The following PTGER3 variants were observed in gnomAD, a reference collection of about 807,000 sequenced individuals.
PTGER3 encodes prostaglandin E2 receptor EP3 subtype.
A neutral mutation model predicts 34.7 loss-of-function variants in PTGER3; 22 were observed. The ratio of observed to expected loss-of-function variants is 0.63; its 90% CI spans 0.45 to 0.91. PTGER3 has a LOEUF of 0.91. Among genes scored for constraint, PTGER3 ranks in the 40% least tolerant of loss-of-function variants. The pLI is 0.00. For synonymous variants in PTGER3, 241 were observed against 230.1 expected, an observed-to-expected ratio of 1.05 and a Z score of -0.43; for missense variants, 468 against 519.4, an observed-to-expected ratio of 0.90 and a Z score of 0.96.
chr1:70,952,836 TAG>T, exon 4 of PTGER3: 4 of 1,462,998 alleles, frequency 2.7e-6, no homozygotes, highest in Non-Finnish European at 3.6e-6. Flanking sequence ...AAGCAGGGAT[TAG>T]AGTCACAAAC....
chr1:70,893,510 A>G (rs7521005), intron 4 of PTGER3, among the ~76,000 whole-genome samples: 28,280 of 152,174 alleles, frequency 0.19, 3,419 homozygotes, highest in Admixed American at 0.34. Flanking sequence ...CTACATCACC[A>G]GGACTTTCCC....
At chr1:70,982,890 C>T (rs1654522949) in intron 2 of PTGER3, among the ~76,000 whole-genome samples, 1 of 152,080 alleles carries the variant, frequency 6.6e-6, no homozygotes, top group African/African-American at 2.4e-5. Flanking sequence ...AATCATTGCA[C>T]AGTGTAAACA....
At chr1:70,984,465 G>A (rs1299280569) in intron 2 of PTGER3, among the ~76,000 whole-genome samples, 1 of 151,688 alleles carries the variant, frequency 6.6e-6, no homozygotes, top group East Asian at 1.9e-4. Flanking sequence ...AACAATAAGG[G>A]TAACTCTGCA....
intron 4 of PTGER3, among the ~76,000 whole-genome samples, chr1:70,891,305 G>T (rs898364926): frequency 1.3e-5 from 2 of 152,136 alleles, no homozygotes; most frequent in African/African-American, 4.8e-5. Flanking sequence ...ATTTCTATTT[G>T]ATTTTGGAAT....
intron 4 of PTGER3, among the ~76,000 whole-genome samples, chr1:70,878,232 C>G (rs1646314502): frequency 6.6e-6 from 1 of 152,098 alleles, no homozygotes. Context: ...TCATCCATTT[C>G]TTCTAGATTT....
intron 1 of PTGER3, among the ~76,000 whole-genome samples, chr1:71,045,189 G>A (rs1488247815): frequency 1.3e-5 from 2 of 152,120 alleles, no homozygotes; most frequent in African/African-American, 2.4e-5. Context: ...TGGAGCCAAG[G>A]TTTGTGCTCC....
intron 1 of PTGER3, among the ~76,000 whole-genome samples, chr1:71,023,893 G>A (rs11209735): frequency 0.025 from 3,761 of 151,334 alleles, 226 homozygotes; most frequent in African/African-American, 0.087. Flanking sequence ...GGTCTCCATC[G>A]TCTCTTGTCT....
chr1:70,947,562 G>A (rs1650333923), downstream of PTGER3: 1 of 152,064 alleles, frequency 6.6e-6, no homozygotes, highest in South Asian at 2.1e-4. Context: ...TACAGTAGGT[G>A]TGCAACAACT....
chr1:71,023,227 C>T (rs1322661536), intron 1 of PTGER3, among the ~76,000 whole-genome samples: 3 of 151,890 alleles, frequency 2.0e-5, no homozygotes, highest in Non-Finnish European at 1.5e-5. Context: ...AGAATCAACG[C>T]CACAGTCTTA....
intron 1 of PTGER3, among the ~76,000 whole-genome samples, chr1:71,043,859 C>T (rs1460526754): frequency 1.3e-5 from 2 of 151,124 alleles, no homozygotes; most frequent in African/African-American, 2.4e-5. Context: ...CTCTGTCACC[C>T]GTGCTGGAGT....
chr1:70,861,334 T>C (rs1460125341), intron 4 of PTGER3, among the ~76,000 whole-genome samples: 1 of 152,214 alleles, frequency 6.6e-6, no homozygotes, highest in Non-Finnish European at 1.5e-5. Flanking sequence ...TCAGAATACA[T>C]TTCTAACTTT....
chr1:71,033,272 C>T (rs1482957894), intron 1 of PTGER3, among the ~76,000 whole-genome samples: 1 of 152,128 alleles, frequency 6.6e-6, no homozygotes. Context: ...CAAACTGTCT[C>T]CAAAACACTA....
chr1:71,011,149 C>T, intron 2 of PTGER3: 1 of 985,666 alleles, frequency 1.0e-6, no homozygotes. Context: ...ACAAATACGT[C>T]AAGCTTAGCT....
Position 70,957,008 on chromosome 1 carries a change from A to G in PTGER3, c.1078-3219T>C, listed in dbSNP as rs114021832. On this transcript the variant is annotated intron_variant, in intron 2 of 3. Coordinates refer to the PTGER3 transcript ENST00000356595. The stretch of plus-strand genomic sequence containing the variant: ...AGACTCTGTCTTAATAATAGTAACA[A>G]TAGAAGTAAAGCTGTTTGTTATATT... Among the ~76,000 whole-genome samples, 407 of 152,274 alleles carry G rather than the reference A, an allele frequency of 2.7e-3. 3 individuals carry two copies. Among genetic ancestry groups the G allele is most frequent in the Non-Finnish European group, 4.8e-3 (325 of 68,028 alleles).
chr1:70,981,383 CTTTCTTTCT>C (rs1557709144), intron 2 of PTGER3, among the ~76,000 whole-genome samples: 3,883 of 77,418 alleles, frequency 0.05, 63 homozygotes, highest in South Asian at 0.068. Flanking sequence ...TTCTTTCTTT[CTTTCTTTCT>C]TTCCTTCCTT....
At chr1:70,970,234 A>T (rs1652938922), downstream of PTGER3, among the ~76,000 whole-genome samples, 1 of 152,178 alleles carries the variant, frequency 6.6e-6, no homozygotes, top group Non-Finnish European at 1.5e-5. Flanking sequence ...TTGTAAAAAT[A>T]AAATAGTGAA....
chr1:70,911,949 A>G (rs984347593), intron 4 of PTGER3, among the ~76,000 whole-genome samples: 2 of 152,234 alleles, frequency 1.3e-5, no homozygotes, highest in African/African-American at 2.4e-5. Context: ...TACTTTCGTG[A>G]TCCCAAATAT....
chr1:71,008,919 T>C, intron 2 of PTGER3: 1 of 979,670 alleles, frequency 1.0e-6, no homozygotes, highest in East Asian at 1.1e-4. Context: ...ATCCTGTGTA[T>C]TGCAGGAGAA....
intron 4 of PTGER3, among the ~76,000 whole-genome samples, chr1:70,920,998 TG>T (rs776164199): frequency 6.6e-6 from 1 of 152,248 alleles, no homozygotes; most frequent in Non-Finnish European, 1.5e-5. Context: ...ATACATGCAG[TG>T]CTATCACTGT....
Sources: allele counts gnomAD v4.1 joint callset (sites outside exome capture counted in the v4.1 genomes callset), GRCh38; gene constraint gnomAD v4.1.1; transcripts MANE v1.5; gene names NCBI Gene and HGNC (gene_info 2026-07-23, HGNC 2026-07-21).